The following ATXN2 variants were observed in gnomAD, a reference collection of about 807,000 sequenced individuals.
The protein encoded by ATXN2 is ataxin-2.
In ATXN2, 37 loss-of-function variants were observed where a neutral mutation model predicts 138.6. The ratio of observed to expected loss-of-function variants is 0.27; its 90% confidence interval spans 0.21 to 0.35. ATXN2 has a LOEUF of 0.35. Ranked by LOEUF, ATXN2 falls within the 10% of genes least tolerant of loss-of-function variation. The pLI is 1.00. For synonymous variants in ATXN2, 549 were observed against 543.7 expected, an observed-to-expected ratio of 1.01 and a Z score of -0.13; for missense variants, 1,216 against 1,480.3, an observed-to-expected ratio of 0.82 and a Z score of 2.93.
Position 111,486,765 on chromosome 12 carries a change from G to A in ATXN2, c.2300C>T (p.Ser767Phe). Residue 767 changes from serine (S) to phenylalanine (F), a missense_variant, in exon 16 of 25, where the codon TCT becomes TTT. Physicochemically the swap from Ser to Phe is radical, Grantham distance 155. This residue lies in a region of ATXN2 where 490 missense variants were observed against 653.5 expected (regional missense o/e 0.75). Transcript: ENST00000673436. ...NAKEFNPRSF[S>F]QPKPSTTPTS... ...CAAAGAAAGTAATAAACCTACCTGA[G>A]AGAAGGAACGTGGGTTGAACTCCTT... is the stretch of plus-strand genomic sequence containing the variant. The A allele has an allele frequency of 6.2e-7, 1 of 1,610,394 alleles. No homozygotes were observed. Among genetic ancestry groups the A allele is most frequent in the Non-Finnish European group, 8.5e-7 (1 of 1,177,338 alleles).
chr12:111,588,894 C>T (rs1307638263), intron 1 of ATXN2, among the ~76,000 whole-genome samples: 1 of 137,452 alleles, frequency 7.3e-6, no homozygotes, highest in East Asian at 2.3e-4. Flanking sequence ...ACTCGGGAGG[C>T]TGAGGCAGGA....
At chr12:111,590,954 T>C (rs1884627399) in intron 1 of ATXN2, among the ~76,000 whole-genome samples, 1 of 151,990 alleles carries the variant, frequency 6.6e-6, no homozygotes, top group African/African-American at 2.4e-5. Flanking sequence ...AGTGGTGCTA[T>C]CTCAGCTCAC....
At chr12:111,535,053 T>C (rs1472986626) in intron 5 of ATXN2, among the ~76,000 whole-genome samples, 1 of 152,152 alleles carries the variant, frequency 6.6e-6, no homozygotes, top group Non-Finnish European at 1.5e-5. Context: ...GAGAACAGCT[T>C]GAGCCCAGGA....
At chr12:111,471,734 A>G (rs1876428677) in intron 18 of ATXN2, 1 of 151,734 alleles carries the variant, frequency 6.6e-6, no homozygotes, top group African/African-American at 2.4e-5. Context: ...TCTTGGATGC[A>G]CGTATTTAAA....
chr12:111,500,964 T>C (rs1353160490), intron 14 of ATXN2, among the ~76,000 whole-genome samples: 1 of 152,150 alleles, frequency 6.6e-6, no homozygotes, highest in Non-Finnish European at 1.5e-5. Flanking sequence ...GTGACTACAG[T>C]CAGCATTAAT....
chr12:111,529,631 T>C (rs1021527910), intron 5 of ATXN2, among the ~76,000 whole-genome samples: 1 of 152,110 alleles, frequency 6.6e-6, no homozygotes, highest in Admixed American at 6.5e-5. Context: ...CTGCTGGTGG[T>C]CATAAAGAAA....
At chr12:111,577,800 G>A (rs1041013378) in intron 1 of ATXN2, among the ~76,000 whole-genome samples, 2 of 152,048 alleles carry the variant, frequency 1.3e-5, no homozygotes, top group African/African-American at 2.4e-5. Flanking sequence ...TTCACAAAAC[G>A]GCTAGGCATG....
At chr12:111,559,050 GA>G (rs1882533762) in intron 1 of ATXN2, among the ~76,000 whole-genome samples, 1 of 151,546 alleles carries the variant, frequency 6.6e-6, no homozygotes, top group African/African-American at 2.4e-5. Context: ...CATTAAGATG[GA>G]AGAATATATT....
intron 5 of ATXN2, among the ~76,000 whole-genome samples, chr12:111,545,684 C>A (rs1489889515): frequency 6.6e-6 from 1 of 151,756 alleles, no homozygotes; most frequent in Non-Finnish European, 1.5e-5. Flanking sequence ...ATAATGAGGC[C>A]GGGTGCGGTG....
intron 5 of ATXN2, among the ~76,000 whole-genome samples, chr12:111,530,987 G>C (rs1388703105): frequency 6.6e-6 from 1 of 150,718 alleles, no homozygotes; most frequent in Non-Finnish European, 1.5e-5. Context: ...GCATGGTGGT[G>C]CATGCCTGTA....
chr12:111,596,879 T>C (rs1334224040), intron 1 of ATXN2, among the ~76,000 whole-genome samples: 1 of 152,220 alleles, frequency 6.6e-6, no homozygotes, highest in Non-Finnish European at 1.5e-5. Flanking sequence ...TATAATCTAA[T>C]TTTTAAGCCT....
At chr12:111,533,809 G>A (rs1037775993) in intron 5 of ATXN2, among the ~76,000 whole-genome samples, 2 of 152,128 alleles carry the variant, frequency 1.3e-5, no homozygotes, top group African/African-American at 2.4e-5. Context: ...TTACAGGTGT[G>A]ACCCACAGCC....
At chr12:111,461,684 G>A (rs11065909) in intron 21 of ATXN2, among the ~76,000 whole-genome samples, 15,511 of 151,416 alleles carry the variant, frequency 0.1, 2,651 homozygotes, top group African/African-American at 0.35. Flanking sequence ...AAGGAACCAG[G>A]GGCCGAGGTA....
chr12:111,485,683 G>A, intron 17 of ATXN2, 30 bp downstream of exon 17: 1 of 1,611,866 alleles, frequency 6.2e-7, no homozygotes, highest in African/African-American at 1.3e-5. Flanking sequence ...AATTGGGGAG[G>A]CTAAGTGAAC....
chr12:111,488,721 T>C lies in ATXN2; in HGVS notation c.1995A>G (p.Gly665=), dbSNP rs1566020670. The change falls in exon 15 of 25, where the codon GGA becomes GGG. Residue 665 remains glycine (G), a synonymous_variant. Transcript: ENST00000673436. ...MDQLLNKNRE[G]EKSRDLIKDK... is the part of the protein sequence containing the mutation. ...CTTTGATCAAATCTCTTGATTTTTCTCCCTCTCTATTTTTGTTTAGTAGTT... is the reference window on the plus strand; with the variant it reads ...CTTTGATCAAATCTCTTGATTTTTCCCCCTCTCTATTTTTGTTTAGTAGTT... 1 of 1,610,966 alleles carries C rather than the reference T, an allele frequency of 6.2e-7. No homozygotes were observed. The highest frequency in any genetic ancestry group is 8.5e-7 in the Non-Finnish European group (1 of 1,178,112).
chr12:111,548,727 G>A (rs1295483892), intron 5 of ATXN2, among the ~76,000 whole-genome samples: 1 of 152,114 alleles, frequency 6.6e-6, no homozygotes, highest in Admixed American at 6.6e-5. Context: ...GGGACTGTGA[G>A]GCAAGAAAAT....
Position 111,510,508 on chromosome 12 carries a change from G to T in ATXN2, c.1633C>A (p.Pro545Thr), listed in dbSNP as rs1293553729. 1.2e-6 allele frequency: 2 copies of T among 1,613,956 alleles called. No homozygotes were observed. Among genetic ancestry groups the T allele is most frequent in the African/African-American group, 2.7e-5 (2 of 74,904 alleles). ...QNSIGNTPSGPVLASPQAGII... is the reference protein window; with the variant it reads ...QNSIGNTPSGTVLASPQAGII... ...CCAGCTTGGGGAGAAGCAAGAACTG[G>T]CCCACTGGGGGTATTTCCAATACTG... The change falls in exon 12 of 25, where the codon CCA becomes ACA. Residue 545 changes from proline (P) to threonine (T), a missense_variant. By Grantham distance (38) the Pro-to-Thr change is conservative. This residue lies in a region of ATXN2 where 215 missense variants were observed against 210.0 expected (regional missense o/e 1.02). Coordinates refer to ENST00000673436, the MANE Select transcript of ATXN2 (RefSeq NM_001372574.1).
intron 6 of ATXN2, 58 bp from the exon 7 acceptor site, chr12:111,521,031 A>G (rs966912176): frequency 1.3e-5 from 15 of 1,111,198 alleles, no homozygotes; most frequent in Non-Finnish European, 1.8e-5. Context: ...CCTTTCATTC[A>G]GTTATAACCA....
chr12:111,586,039 G>A (rs1456991794), intron 1 of ATXN2, among the ~76,000 whole-genome samples: 1 of 151,792 alleles, frequency 6.6e-6, no homozygotes, highest in African/African-American at 2.4e-5. Context: ...TGAGACTACA[G>A]AAGTGCACGA....
Sources: allele counts gnomAD v4.1 joint callset (sites outside exome capture counted in the v4.1 genomes callset), GRCh38; gene constraint gnomAD v4.1.1; regional missense constraint gnomAD v4.1.1; transcripts MANE v1.5; gene names NCBI Gene and HGNC (gene_info 2026-07-23, HGNC 2026-07-21).